GAN: variants seen among roughly 807,000 people sequenced by gnomAD.
GAN encodes the protein epididymis secretory sperm binding protein.
GAN carries 48 observed loss-of-function variants against 71.3 expected under a neutral mutation model. The ratio of observed to expected loss-of-function variants is 0.67; its 90% CI spans 0.53 to 0.86. The LOEUF (loss-of-function observed/expected upper bound fraction) is 0.86, where lower values mean the gene tolerates loss of function less well. Ranked by LOEUF, GAN falls within the 40% of genes least tolerant of loss-of-function variation. The pLI is 0.00. For missense variants in GAN, 928 were observed against 770.1 expected, an observed-to-expected ratio of 1.21 and a Z score of -2.43; for synonymous variants, 386 against 276.8, an observed-to-expected ratio of 1.39 and a Z score of -3.92.
chr16:81,344,284 A>G (rs1030353915), intron 1 of GAN, among the ~76,000 whole-genome samples: 2 of 152,210 alleles, frequency 1.3e-5, no homozygotes, highest in Admixed American at 6.5e-5. Context: ...TGGAAGCAAA[A>G]AAGAGCCCGC....
chr16:81,346,039 A>G (rs1303866392), intron 1 of GAN, among the ~76,000 whole-genome samples: 1 of 152,236 alleles, frequency 6.6e-6, no homozygotes, highest in African/African-American at 2.4e-5. Context: ...ACTTTAAAAT[A>G]AGAACTCTAA....
chr16:81,330,084 G>GGA (rs1445950112), intron 1 of GAN, among the ~76,000 whole-genome samples: 1 of 152,124 alleles, frequency 6.6e-6, no homozygotes, highest in African/African-American at 2.4e-5. Context: ...TCAGATCTCT[G>GGA]GAATCTGCCT....
In GAN at chr16:81,349,342, G is replaced by C. The variant is rs559786953; in HGVS notation, c.168-2241G>C. 2.6e-5 allele frequency among the ~76,000 whole-genome samples: 4 copies of C among 152,206 alleles called. No individual in the cohort carries two copies. The East Asian group carries it at 7.7e-4, about 29-fold the overall frequency. ...TACTCCAAGTCAGTTACCCTTGTCT[G>C]TTTTCTAGCATATGAAATTTCATTG... On this transcript the variant is annotated intron_variant, in intron 1 of 10. Transcript: ENST00000648994.
At chr16:81,368,732 C>T (rs141352213) in intron 9 of GAN, among the ~76,000 whole-genome samples, 1 of 152,320 alleles carries the variant, frequency 6.6e-6, no homozygotes, top group Admixed American at 6.5e-5. Flanking sequence ...CCGCTGCTAC[C>T]CTCACAGTTA....
At chr16:81,369,380 A>G (rs530432582) in intron 9 of GAN, among the ~76,000 whole-genome samples, 2 of 152,360 alleles carry the variant, frequency 1.3e-5, no homozygotes, top group South Asian at 2.1e-4. Context: ...TAGAAAATGC[A>G]GGAGAGGTGA....
intron 1 of GAN, among the ~76,000 whole-genome samples, 154 bp downstream of exon 1, chr16:81,315,434 C>T (rs1429537438): frequency 6.6e-6 from 1 of 151,782 alleles, no homozygotes; most frequent in Non-Finnish European, 1.5e-5. Context: ...CGGCAAGCGC[C>T]GGAACCCGGC....
At chr16:81,320,076 A>G (rs1002392994) in intron 1 of GAN, among the ~76,000 whole-genome samples, 2 of 152,202 alleles carry the variant, frequency 1.3e-5, no homozygotes, top group African/African-American at 4.8e-5. Flanking sequence ...TTGTATCACA[A>G]CAATCATTTA....
At chr16:81,364,450 A>G (rs1413066157) in intron 7 of GAN, among the ~76,000 whole-genome samples, 3 of 152,272 alleles carry the variant, frequency 2.0e-5, no homozygotes, top group East Asian at 3.9e-4. Flanking sequence ...TTTTTTAAGT[A>G]GAGATAGGGT....
chr16:81,359,766 T>A (rs1001738673), intron 5 of GAN, among the ~76,000 whole-genome samples: 2 of 152,212 alleles, frequency 1.3e-5, no homozygotes, highest in African/African-American at 4.8e-5. Flanking sequence ...GTGTTTTTAC[T>A]ATACATCCAT....
Position 81,315,042 on chromosome 16 carries a change from C to T in GAN, c.-72C>T. On this transcript the variant is annotated 5_prime_UTR_variant, in exon 1 of 11. Coordinates refer to ENST00000648994, the MANE Select transcript of GAN (RefSeq NM_022041.4). ...GGGCCGGGCGGGCGCGCGCGCAGGA[C>T]TCGGGCCGCTCGAGGGGTCCGGCCG... is the stretch of plus-strand genomic sequence containing the variant. 7.8e-7 allele frequency: 1 copy of T among 1,280,514 alleles called. No individual in the cohort carries two copies. Among genetic ancestry groups the T allele is most frequent in the Non-Finnish European group, 1.0e-6 (1 of 985,806 alleles). The allele number at this position is 1,280,514 out of a possible 1,614,324, so 79.3% of individuals were successfully genotyped here. A position where few individuals can be genotyped will look rare whatever the true frequency, so the allele number is the denominator to read the frequency against.
chr16:81,338,889 G>A (rs7191409), intron 1 of GAN, among the ~76,000 whole-genome samples: 120,995 of 152,110 alleles, frequency 0.8, 48,492 homozygotes, highest in East Asian at 0.95. Flanking sequence ...TGGCAGACAG[G>A]TAGATGATCA....
chr16:81,324,369 G>T (rs2150668443), intron 1 of GAN, among the ~76,000 whole-genome samples: 1 of 152,208 alleles, frequency 6.6e-6, no homozygotes, highest in Admixed American at 6.5e-5. Flanking sequence ...CTGCTGCTGT[G>T]GCCTGGGTGA....
intron 2 of GAN, 37 bp from the exon 3 acceptor site, chr16:81,354,368 C>A: frequency 7.7e-7 from 1 of 1,300,074 alleles, no homozygotes; most frequent in South Asian, 1.2e-5. Context: ...TTTAAATGTA[C>A]ACATTCAAAT....
chr16:81,361,813 G>A (rs1359345546), intron 5 of GAN, among the ~76,000 whole-genome samples: 1 of 152,146 alleles, frequency 6.6e-6, no homozygotes, highest in African/African-American at 2.4e-5. Context: ...TCCCATTTCA[G>A]CCTCCTGAGT....
At chr16:81,323,867 CAG>C (rs1909295600) in intron 1 of GAN, among the ~76,000 whole-genome samples, 1 of 152,182 alleles carries the variant, frequency 6.6e-6, no homozygotes, top group African/African-American at 2.4e-5. Context: ...TGGCCTCCCA[CAG>C]AGAGTATCAA....
At chr16:81,327,839 G>T (rs1438950518) in intron 1 of GAN, among the ~76,000 whole-genome samples, 1 of 151,734 alleles carries the variant, frequency 6.6e-6, no homozygotes, top group Non-Finnish European at 1.5e-5. Context: ...TTTGCATGGG[G>T]GTCTTAAGGT....
intron 3 of GAN, 79 bp from the exon 4 acceptor site, chr16:81,356,706 A>C (rs574055038): frequency 3.0e-6 from 3 of 987,492 alleles, no homozygotes; most frequent in African/African-American, 3.2e-5. Flanking sequence ...GTTTTCCATG[A>C]GGTGGAAAAT....
rs1224739717 is a variant in GAN, at chr16:81,379,729, A to T, written c.*2133A>T. 6.6e-6 allele frequency: 1 copy of T among 152,214 alleles called. No individual in the cohort carries two copies. The highest frequency in any genetic ancestry group is 1.5e-5 in the Non-Finnish European group (1 of 68,036). 9.4% of individuals were successfully genotyped at this position (152,214 alleles called of 1,614,324 possible). A position where few individuals can be genotyped will look rare whatever the true frequency, so the allele number is the denominator to read the frequency against. ...GTAATTGGGGAACATTAAAACAGTA[A>T]CTGACATCCAGTTAAAGCCACGATC... is the stretch of plus-strand genomic sequence containing the variant. On this transcript the variant is annotated 3_prime_UTR_variant, in exon 11 of 11. Transcript: ENST00000648994.
intron 2 of GAN, among the ~76,000 whole-genome samples, chr16:81,352,520 T>C (rs549868462): frequency 2.0e-5 from 3 of 152,342 alleles, no homozygotes; most frequent in South Asian, 2.1e-4. Flanking sequence ...CTTTATTCTT[T>C]CTGAGATCTT....
Sources: allele counts gnomAD v4.1 joint callset (sites outside exome capture counted in the v4.1 genomes callset), GRCh38; gene constraint gnomAD v4.1.1; transcripts MANE v1.5; gene names NCBI Gene and HGNC (gene_info 2026-07-23, HGNC 2026-07-21).